CALN1: variants seen among roughly 807,000 people sequenced by gnomAD.
CALN1 encodes the protein calneuron 1.
In CALN1, 17 loss-of-function variants were observed where a neutral mutation model predicts 30.6. That is an observed-to-expected ratio of 0.56 (90% CI 0.38 to 0.83). The LOEUF (loss-of-function observed/expected upper bound fraction) is 0.83. CALN1 is among the 40% of genes least tolerant of loss of function. The pLI is 0.00. For missense variants in CALN1, 291 were observed against 354.9 expected, an observed-to-expected ratio of 0.82 and a Z score of 1.45; for synonymous variants, 156 against 131.4, an observed-to-expected ratio of 1.19 and a Z score of -1.28.
intron 3 of CALN1, among the ~76,000 whole-genome samples, chr7:72,252,849 C>G (rs1384296496): frequency 6.6e-6 from 1 of 152,176 alleles, no homozygotes; most frequent in Non-Finnish European, 1.5e-5. Flanking sequence ...TGTGGGAATT[C>G]TACTTTGCTT....
At chr7:71,824,017 GAC>G (rs1318045247) in intron 5 of CALN1, among the ~76,000 whole-genome samples, 1 of 152,072 alleles carries the variant, frequency 6.6e-6, no homozygotes, top group Admixed American at 6.6e-5. Flanking sequence ...TCCCTCCCAT[GAC>G]ACGTGGGAAT....
At chr7:71,951,559 C>T (rs1443592162) in intron 5 of CALN1, among the ~76,000 whole-genome samples, 3 of 152,200 alleles carry the variant, frequency 2.0e-5, no homozygotes, top group Non-Finnish European at 2.9e-5. Context: ...CCACTGCATT[C>T]CAGCCTGGGC....
intron 3 of CALN1, among the ~76,000 whole-genome samples, chr7:72,211,775 T>C (rs978895151): frequency 1.3e-5 from 2 of 152,092 alleles, no homozygotes; most frequent in Non-Finnish European, 2.9e-5. Context: ...TGACAGCCGG[T>C]GATGGGGTCA....
chr7:72,040,507 A>T (rs1802060790), intron 4 of CALN1, among the ~76,000 whole-genome samples: 2 of 152,180 alleles, frequency 1.3e-5, no homozygotes, highest in Non-Finnish European at 2.9e-5. Context: ...AATTAAATAC[A>T]GTTGAATTAA....
intron 3 of CALN1, among the ~76,000 whole-genome samples, chr7:72,198,668 A>G (rs148137619): frequency 1.3e-5 from 2 of 152,160 alleles, no homozygotes; most frequent in African/African-American, 4.8e-5. Context: ...ACCCACCTAA[A>G]AAAGAAAAAG....
chr7:72,077,877 A>G (rs1010987665), intron 4 of CALN1, among the ~76,000 whole-genome samples: 2 of 152,172 alleles, frequency 1.3e-5, no homozygotes, highest in African/African-American at 4.8e-5. Flanking sequence ...GGTACCTGAT[A>G]ATTGTCACTT....
intron 1 of CALN1, among the ~76,000 whole-genome samples, chr7:72,426,180 G>A (rs1052833349): frequency 6.6e-6 from 1 of 152,234 alleles, no homozygotes; most frequent in Non-Finnish European, 1.5e-5. Context: ...CTGGATGAAG[G>A]GCCAGAAGAA....
intron 5 of CALN1, among the ~76,000 whole-genome samples, chr7:71,864,708 A>G (rs1791488806): frequency 1.3e-5 from 2 of 152,192 alleles, no homozygotes; most frequent in South Asian, 4.1e-4. Context: ...AACAATAGAA[A>G]ATAAATGCAC....
intron 6 of CALN1, among the ~76,000 whole-genome samples, chr7:71,794,848 C>T (rs936102649): frequency 1.3e-5 from 2 of 148,912 alleles, no homozygotes; most frequent in Admixed American, 6.6e-5. Context: ...CAAAGGCCCC[C>T]GCTGATGGGA....
At chr7:72,066,821 G>A (rs1804055986) in intron 4 of CALN1, among the ~76,000 whole-genome samples, 2 of 150,454 alleles carry the variant, frequency 1.3e-5, no homozygotes, top group Admixed American at 1.3e-4. Flanking sequence ...TCACTCTGTT[G>A]CCCAAGCTAG....
rs544472344 is a variant in CALN1 at position 72,034,521 on chromosome 7, G to C, written c.389-10752C>G. On this transcript the variant is annotated intron_variant, in intron 4 of 6. Transcript: ENST00000395275. ...AAGTCTCCAGGATGTGCCCGGGAAC[G>C]GTGGCTCACCCCTGTAATCTCAACA... is the stretch of plus-strand genomic sequence containing the variant. 5.9e-4 allele frequency among the ~76,000 whole-genome samples: 89 copies of C among 151,760 alleles called. 2 individuals carry two copies. In the South Asian group the frequency reaches 0.018, roughly 31 times the overall value.
chr7:72,388,259 A>T (rs1585636120), intron 2 of CALN1, among the ~76,000 whole-genome samples: 1 of 152,198 alleles, frequency 6.6e-6, no homozygotes, highest in Admixed American at 6.5e-5. Context: ...TAAAAAATAA[A>T]ATACAATTTT....
intron 5 of CALN1, among the ~76,000 whole-genome samples, chr7:71,847,408 G>T (rs1330064759): frequency 2.0e-5 from 3 of 152,056 alleles, no homozygotes; most frequent in Non-Finnish European, 4.4e-5. Flanking sequence ...CTAGCAGTTT[G>T]GGAGGCCAAG....
intron 2 of CALN1, among the ~76,000 whole-genome samples, chr7:72,354,875 G>C (rs1332851883): frequency 2.0e-5 from 3 of 150,938 alleles, no homozygotes; most frequent in Non-Finnish European, 3.0e-5. Context: ...GAGAACTTGA[G>C]TAAGCAAAAA....
intron 2 of CALN1, among the ~76,000 whole-genome samples, chr7:72,398,756 C>T (rs912063981): frequency 4.6e-5 from 7 of 152,232 alleles, no homozygotes; most frequent in Admixed American, 2.0e-4. Context: ...CAAATACATA[C>T]GCACACACCT....
chr7:72,489,563 T>C, the CALN1 span, among the ~76,000 whole-genome samples: 2 of 152,050 alleles, frequency 1.3e-5, no homozygotes, highest in Non-Finnish European at 2.9e-5. Context: ...ACTCATGTTG[T>C]TTCTTGACTG....
chr7:71,917,475 T>C (rs1794738076), intron 5 of CALN1, among the ~76,000 whole-genome samples: 1 of 152,202 alleles, frequency 6.6e-6, no homozygotes, highest in Non-Finnish European at 1.5e-5. Flanking sequence ...ATATGCTAAT[T>C]AATTGATTGC....
intron 5 of CALN1, among the ~76,000 whole-genome samples, chr7:71,929,394 T>A (rs184770165): frequency 1.3e-5 from 2 of 152,330 alleles, no homozygotes; most frequent in African/African-American, 4.8e-5. Context: ...GGTATTTGGT[T>A]TTCTGTTCTT....
chr7:72,314,297 T>C (rs1453911124), intron 2 of CALN1, among the ~76,000 whole-genome samples: 2 of 151,976 alleles, frequency 1.3e-5, no homozygotes, highest in Non-Finnish European at 2.9e-5. Context: ...AGCCATTTAA[T>C]ACTATTTGAT....
Sources: gnomAD v4.1 joint callset for allele counts (sites outside exome capture counted in the v4.1 genomes callset) on GRCh38, gnomAD v4.1.1 for gene constraint, MANE v1.5 for transcripts, NCBI Gene and HGNC (gene_info 2026-07-23, HGNC 2026-07-21) for gene names.